The following PLEKHG1 variants were observed in gnomAD, a reference collection of about 807,000 sequenced individuals.
The protein encoded by PLEKHG1 is pleckstrin homology domain-containing family G member 1.
PLEKHG1 carries 44 observed loss-of-function variants against 100.8 expected under a neutral mutation model. The ratio of observed to expected loss-of-function variants is 0.44; its 90% CI spans 0.34 to 0.56. The LOEUF is 0.56. Among genes scored for constraint, PLEKHG1 ranks in the 20% least tolerant of loss-of-function variants. The pLI, the probability that PLEKHG1 is intolerant of heterozygous loss-of-function variation, is 0.01. For synonymous variants in PLEKHG1, 640 were observed against 662.5 expected (o/e 0.97, Z 0.52); for missense variants, 1,545 against 1,720.9 (o/e 0.90, Z 1.81).
At chr6:150,750,803 A>G (rs1000591426) in intron 2 of PLEKHG1, among the ~76,000 whole-genome samples, 3 of 149,932 alleles carry the variant, frequency 2.0e-5, no homozygotes, top group Admixed American at 6.6e-5. Context: ...AAAAAAAAAA[A>G]GGCGGCACAA....
chr6:150,729,668 T>C (rs1782145322), intron 1 of PLEKHG1, among the ~76,000 whole-genome samples: 1 of 152,206 alleles, frequency 6.6e-6, no homozygotes, highest in Admixed American at 6.6e-5. Context: ...GTTTCACTTC[T>C]GTCATTGGTA....
intron 2 of PLEKHG1, among the ~76,000 whole-genome samples, chr6:150,650,168 T>C (rs977956402): frequency 6.6e-6 from 1 of 151,382 alleles, no homozygotes; most frequent in African/African-American, 2.4e-5. Flanking sequence ...ACCCCTCAAC[T>C]CTCTTGCACT....
At chr6:150,716,375 C>A (rs1044647925), upstream of PLEKHG1, among the ~76,000 whole-genome samples, 1 of 152,218 alleles carries the variant, frequency 6.6e-6, no homozygotes, top group Non-Finnish European at 1.5e-5. Context: ...CTTCTCACTT[C>A]TAGCACCTTT....
At chr6:150,835,209 A>C (rs1777162573) in intron 15 of PLEKHG1, among the ~76,000 whole-genome samples, 1 of 152,136 alleles carries the variant, frequency 6.6e-6, no homozygotes, top group African/African-American at 2.4e-5. Context: ...AGCCTGTCAT[A>C]GCATGCTGGC....
At chr6:150,689,339 G>A (rs1780257030) in intron 3 of PLEKHG1, among the ~76,000 whole-genome samples, 2 of 151,974 alleles carry the variant, frequency 1.3e-5, no homozygotes, top group African/African-American at 4.8e-5. Flanking sequence ...CAACCTACTG[G>A]TATTTTTATA....
At chr6:150,809,128 C>G (rs1236556748) in exon 8 of PLEKHG1, 4 of 1,613,938 alleles carry the variant, frequency 2.5e-6, no homozygotes, top group Non-Finnish European at 3.4e-6. Flanking sequence ...TGCTCACTAA[C>G]TGGAAGGGGC....
intron 3 of PLEKHG1, among the ~76,000 whole-genome samples, chr6:150,654,065 T>G (rs1778862748): frequency 6.6e-6 from 1 of 152,186 alleles, no homozygotes; most frequent in Admixed American, 6.5e-5. Flanking sequence ...TCTGTGTGCC[T>G]TCTTGTCCAG....
At chr6:150,726,313 T>C (rs187074431) in intron 1 of PLEKHG1, among the ~76,000 whole-genome samples, 199 of 152,276 alleles carry the variant, frequency 1.3e-3, no homozygotes, top group African/African-American at 4.6e-3. Flanking sequence ...AAGAAAACTT[T>C]TGGAGGTGAT....
At chr6:150,610,155 G>C (rs918788344) in intron 1 of PLEKHG1, among the ~76,000 whole-genome samples, 3 of 152,120 alleles carry the variant, frequency 2.0e-5, no homozygotes, top group Admixed American at 6.5e-5. Flanking sequence ...AGGCTGGAGT[G>C]CAGTGGTGCG....
At chr6:150,717,368 G>A (rs1422239859), upstream of PLEKHG1, among the ~76,000 whole-genome samples, 2 of 151,858 alleles carry the variant, frequency 1.3e-5, no homozygotes, top group Non-Finnish European at 2.9e-5. Context: ...TAGAGATGGA[G>A]TCTCGTTAAG....
chr6:150,647,960 A>G (rs1015282820), intron 2 of PLEKHG1, among the ~76,000 whole-genome samples: 3 of 152,090 alleles, frequency 2.0e-5, no homozygotes, highest in African/African-American at 7.2e-5. Context: ...GAATTTCCTG[A>G]CTAGATGATG....
At chr6:150,606,827 T>G (rs1177921192) in intron 1 of PLEKHG1, among the ~76,000 whole-genome samples, 1 of 152,114 alleles carries the variant, frequency 6.6e-6, no homozygotes, top group African/African-American at 2.4e-5. Flanking sequence ...CTCAGGGGCA[T>G]GCTGGCTCAC....
chr6:150,787,664 C>T (rs571981470), intron 4 of PLEKHG1, among the ~76,000 whole-genome samples: 11 of 152,312 alleles, frequency 7.2e-5, no homozygotes, highest in South Asian at 2.1e-4. Flanking sequence ...TGGCTCTGGA[C>T]TGTTCCACAG....
chr6:150,700,437 C>T (rs1347767849), intron 3 of PLEKHG1, among the ~76,000 whole-genome samples: 1 of 151,138 alleles, frequency 6.6e-6, no homozygotes, highest in South Asian at 2.1e-4. Context: ...TCTTAGCAAG[C>T]CTCTGGGGGG....
chr6:150,612,109 C>T (rs989444805), intron 1 of PLEKHG1, among the ~76,000 whole-genome samples: 1 of 141,106 alleles, frequency 7.1e-6, no homozygotes, highest in Non-Finnish European at 1.5e-5. Context: ...TCACAGCAAG[C>T]CATTTTCCTT....
chr6:150,811,055 G>C (rs180930013), intron 10 of PLEKHG1, among the ~76,000 whole-genome samples: 105 of 152,272 alleles, frequency 6.9e-4, no homozygotes, highest in African/African-American at 2.4e-3. Flanking sequence ...GTGTAAAGCT[G>C]TGCTGGGTCC....
intron 3 of PLEKHG1, among the ~76,000 whole-genome samples, chr6:150,694,765 T>C (rs2128595302): frequency 6.6e-6 from 1 of 152,162 alleles, no homozygotes; most frequent in Middle Eastern, 3.4e-3. Context: ...CAAAAAATGT[T>C]AGCTATAATG....
chr6:150,699,175 T>C (rs530477445), intron 3 of PLEKHG1, among the ~76,000 whole-genome samples: 13 of 152,270 alleles, frequency 8.5e-5, no homozygotes, highest in African/African-American at 3.1e-4. Flanking sequence ...GAGTAAAGGG[T>C]ACAGGAGGGC....
At chr6:150,834,897 G>A (rs755068764) in intron 15 of PLEKHG1, among the ~76,000 whole-genome samples, 1 of 152,170 alleles carries the variant, frequency 6.6e-6, no homozygotes, top group Admixed American at 6.5e-5. Context: ...CTGGGTGATC[G>A]AGACCACTTC....
Sources: gnomAD v4.1 joint callset for allele counts (sites outside exome capture counted in the v4.1 genomes callset) on GRCh38, gnomAD v4.1.1 for gene constraint, MANE v1.5 for transcripts, NCBI Gene and HGNC (gene_info 2026-07-23, HGNC 2026-07-21) for gene names.